The following DLEC1 variants were observed in gnomAD, a reference collection of about 807,000 sequenced individuals.
The protein encoded by DLEC1 is deleted in lung and esophageal cancer protein 1.
DLEC1 carries 146 observed loss-of-function variants against 198.1 expected under a neutral mutation model. That is an observed-to-expected ratio of 0.74 (90% CI 0.64 to 0.85). DLEC1 has a LOEUF of 0.85. Ranked by LOEUF, DLEC1 falls within the 40% of genes least tolerant of loss-of-function variation. The pLI, the probability that DLEC1 is intolerant of heterozygous loss-of-function variation, is 0.00. For missense variants in DLEC1, 2,233 were observed against 2,220.0 expected, an observed-to-expected ratio of 1.01 and a Z score of -0.12; for synonymous variants, 897 against 866.8, an observed-to-expected ratio of 1.03 and a Z score of -0.61.
chr3:38,108,786 C>T lies in DLEC1; in HGVS notation c.3129+271C>T, dbSNP rs73827603. Among the ~76,000 whole-genome samples, 863 of 152,346 alleles carry T rather than the reference C, an allele frequency of 5.7e-3. 6 individuals are homozygous for T. Among genetic ancestry groups the T allele is most frequent in the African/African-American group, 0.02 (823 of 41,568 alleles). The stretch of plus-strand genomic sequence containing the variant: ...GCATGAGTTTTTGCCCTCCCCAGGC[C>T]ATTCTCTGTGGCCGCAGGTGGGCCC... On this transcript the variant is annotated intron_variant, in intron 21 of 36. Transcript: ENST00000308059.
rs1168394357 is a variant in DLEC1 at position 38,084,565 on chromosome 3, TAGTAGTAGTAGTGG to T, written c.1261+321_1261+334del. On this transcript the variant is annotated intron_variant, in intron 7 of 36. Coordinates refer to ENST00000308059, the MANE Select transcript of DLEC1 (RefSeq NM_007335.4). ...GTAGTAGTAGTGGTAGTAGTAGTGG[TAGTAGTAGTAGTGG>T]GGGGGTGGTAGTAGTAGTAGTAGCA... 1.0e-4 allele frequency among the ~76,000 whole-genome samples: 10 copies of T among 98,774 alleles called. 4 individuals are homozygous for T. Among genetic ancestry groups the T allele is most frequent in the Non-Finnish European group, 1.5e-4 (7 of 45,306 alleles). The allele number at this position is 98,774 out of a possible 152,430, so 64.8% of individuals were successfully genotyped here. A position where few individuals can be genotyped will look rare whatever the true frequency, so the allele number is the denominator to read the frequency against.
Position 38,123,401 on chromosome 3 carries a change from G to T in DLEC1, c.*989G>T. The T allele has an allele frequency of 5.2e-6, 2 of 388,254 alleles. No homozygotes were observed. The highest frequency in any genetic ancestry group is 9.4e-6 in the Non-Finnish European group (2 of 213,876). 24.1% of individuals were successfully genotyped at this position (388,254 alleles called of 1,614,324 possible). On this transcript the variant is annotated 3_prime_UTR_variant, in exon 37 of 37. Coordinates refer to ENST00000308059, the MANE Select transcript of DLEC1 (RefSeq NM_007335.4). ...CTGTGTGCATGTTCCCCTCCCCAGGGATCGATCATAATCCCAAAAGACACA... is the reference window on the plus strand; with the variant it reads ...CTGTGTGCATGTTCCCCTCCCCAGGTATCGATCATAATCCCAAAAGACACA...
intron 6 of DLEC1, among the ~76,000 whole-genome samples, chr3:38,064,747 C>T (rs1219107341): frequency 7.9e-5 from 12 of 151,462 alleles, no homozygotes; most frequent in South Asian, 2.1e-4. Flanking sequence ...GACGGGGCGG[C>T]GGGGCAGAGG....
chr3:38,059,908 G>A, intron 3 of DLEC1, 56 bp downstream of exon 3: 1 of 1,413,928 alleles, frequency 7.1e-7, no homozygotes, highest in South Asian at 1.2e-5. Flanking sequence ...GTTCAGTAGG[G>A]CCACGTTGGC....
At chr3:38,068,945 G>T (rs1472678434) in intron 6 of DLEC1, among the ~76,000 whole-genome samples, 2 of 152,164 alleles carry the variant, frequency 1.3e-5, no homozygotes, top group African/African-American at 4.8e-5. Context: ...TGGAAACATG[G>T]GGGATAGGAA....
chr3:38,084,621 T>TGGTGGTGGTAGTGGTGGTGGTAGTA (rs1553617798), intron 7 of DLEC1, among the ~76,000 whole-genome samples: 5 of 126,496 alleles, frequency 4.0e-5, no homozygotes, highest in African/African-American at 8.9e-5. Context: ...GTAGCAGTAC[T>TGGTGGTGGTAGTGGTGGTGGTAGTA]GCTACTACTT....
rs1559406534 is a variant in DLEC1 at position 38,062,445 on chromosome 3, G to A, written c.873+77G>A. Reference sequence around the variant, plus strand: ...GAAGGGGAAGGCATTCAGATGACATGAGAAGCTGTGATGAATCCATCGCAA... The same window carrying A: ...GAAGGGGAAGGCATTCAGATGACATAAGAAGCTGTGATGAATCCATCGCAA... On this transcript the variant is annotated intron_variant, in intron 4 of 36. Coordinates refer to ENST00000308059, the MANE Select transcript of DLEC1 (RefSeq NM_007335.4). 90 of 1,592,816 alleles carry A rather than the reference G, an allele frequency of 5.7e-5. 2 individuals are homozygous for A. The South Asian group carries it at 9.7e-4, about 17-fold the overall frequency.
At chr3:38,060,247 A>C (rs886846754) in intron 3 of DLEC1, among the ~76,000 whole-genome samples, 1 of 152,328 alleles carries the variant, frequency 6.6e-6, no homozygotes, top group East Asian at 1.9e-4. Flanking sequence ...GCAGCTTCTC[A>C]TCCTTTCAGA....
rs1182121846 is a variant in DLEC1 at position 38,081,873 on chromosome 3, C to T, written c.1174-2285C>T. Among the ~76,000 whole-genome samples, 47 of 145,520 alleles carry T rather than the reference C, an allele frequency of 3.2e-4. No homozygotes were observed. In the South Asian group the frequency reaches 8.2e-3, roughly 25 times the overall value. ...CCCCCCACCTCCCTCCCGGATGGGG[C>T]GGCTGGCCGGGCGGGGGGCTGACCC... On this transcript the variant is annotated intron_variant, in intron 6 of 36. Transcript: ENST00000308059.
In DLEC1 at chr3:38,117,211, G is replaced by C; in HGVS notation, c.4309G>C (p.Glu1437Gln). The C allele has an allele frequency of 6.2e-7, 1 of 1,614,182 alleles. No homozygotes were observed. The highest frequency in any genetic ancestry group is 8.5e-7 in the Non-Finnish European group (1 of 1,180,002). Residue 1437 changes from glutamate to glutamine, a missense_variant, in exon 31 of 37, where the codon GAA becomes CAA. By Grantham distance (29) the Glu-to-Gln change is conservative. Transcript: ENST00000308059. Reference protein sequence around the residue: ...LGFMSLDSKVEREIPGKRHRL... With the variant: ...LGFMSLDSKVQREIPGKRHRL... The stretch of plus-strand genomic sequence containing the variant: ...TGATCAGACTTGGGCTCAGTAGGTG[G>C]AAAGGGAGATTCCAGGGAAGAGGCA...
chr3:38,109,472 G>A lies in DLEC1; in HGVS notation c.3170G>A (p.Gly1057Asp). The change falls in exon 22 of 37, where the codon GGC becomes GAC. Residue 1057 changes from glycine to aspartate, a missense_variant. Transcript: ENST00000308059. ...THLALPCHVSGMKKPLVLGIS... is the reference protein window; with the variant it reads ...THLALPCHVSDMKKPLVLGIS... ...CTGGCCCTCCCTTGTCACGTGTCAG[G>A]CATGAAGAAGCCACTGGTTCTAGGC... 2 of 1,614,218 alleles carry A rather than the reference G, an allele frequency of 1.2e-6. No individual in the cohort carries two copies. The highest frequency in any genetic ancestry group is 1.7e-6 in the Non-Finnish European group (2 of 1,180,018).
At position 38,122,595 on chromosome 3, in the gene DLEC1, A is replaced by C; in HGVS notation, c.*183A>C. ...CTAGGCCCTCATGATATGTCCTCAG[A>C]GCTAACATAAAGGACAGGCCACACC... On this transcript the variant is annotated 3_prime_UTR_variant, in exon 37 of 37. Coordinates refer to ENST00000308059, the MANE Select transcript of DLEC1 (RefSeq NM_007335.4). The C allele has an allele frequency of 1.3e-6, 2 of 1,582,820 alleles. No individual in the cohort carries two copies. The highest frequency in any genetic ancestry group is 1.7e-4 in the Middle Eastern group (1 of 5,912).
chr3:38,110,655 T>C (rs1390992141), intron 23 of DLEC1, among the ~76,000 whole-genome samples: 1 of 152,088 alleles, frequency 6.6e-6, no homozygotes, highest in Non-Finnish European at 1.5e-5. Flanking sequence ...GGACCACTGA[T>C]AGCGTGCCTG....
intron 6 of DLEC1, among the ~76,000 whole-genome samples, chr3:38,067,540 C>T (rs1697089353): frequency 6.6e-6 from 1 of 152,184 alleles, no homozygotes; most frequent in Admixed American, 6.5e-5. Flanking sequence ...ACTTGTTCCA[C>T]AATGTCTGAG....
rs780991372 is a variant in DLEC1, at chr3:38,095,107, T to C, written c.2112+36T>C. 3.1e-6 allele frequency: 5 copies of C among 1,608,612 alleles called. No individual in the cohort carries two copies. In the South Asian group the frequency reaches 4.4e-5, roughly 14 times the overall value. ...TGTCATCTCAGTAGCCACACATGGT[T>C]GGATCATGTATTTAGACCCCCCACC... On this transcript the variant is annotated intron_variant, in intron 13 of 36. Coordinates refer to ENST00000308059, the MANE Select transcript of DLEC1 (RefSeq NM_007335.4).
At chr3:38,117,476 C>G (rs772474204) in intron 31 of DLEC1, 51 bp from the exon 32 acceptor site, 1 of 1,612,520 alleles carries the variant, frequency 6.2e-7, no homozygotes, top group Non-Finnish European at 8.5e-7. Flanking sequence ...TGGGGGCAGC[C>G]AGAAGGCCCC....
In DLEC1 at chr3:38,097,126, A is replaced by G. The variant is rs779891227; in HGVS notation, c.2341-56A>G. 7.7e-6 allele frequency: 11 copies of G among 1,431,684 alleles called. No individual in the cohort carries two copies. In the Admixed American group the frequency reaches 9.9e-5, roughly 13 times the overall value. 88.7% of individuals were successfully genotyped at this position (1,431,684 alleles called of 1,614,324 possible). The stretch of plus-strand genomic sequence containing the variant: ...ACAATCCTACAGTCCTTCAGCAGGT[A>G]CAGAATTGACATGAAGGGGCAGTAA... On this transcript the variant is annotated intron_variant, in intron 15 of 36. Coordinates refer to ENST00000308059, the MANE Select transcript of DLEC1 (RefSeq NM_007335.4).
At chr3:38,044,187 A>G (rs1700780259) in intron 1 of DLEC1, among the ~76,000 whole-genome samples, 1 of 152,068 alleles carries the variant, frequency 6.6e-6, no homozygotes, top group East Asian at 1.9e-4. Context: ...AGCAGGCAGG[A>G]GTGAGCTGTG....
rs543459796 is a variant in DLEC1 at position 38,042,110 on chromosome 3, A to G, written c.411+2474A>G. On this transcript the variant is annotated intron_variant, in intron 1 of 36. Transcript: ENST00000308059. ...TGGGTTCAAGCGATTCTCCTGCCTC[A>G]GCCTCCTGAGTAGCTGGGATTACAG... Among the ~76,000 whole-genome samples, 36 of 152,070 alleles carry G rather than the reference A, an allele frequency of 2.4e-4. No individual in the cohort carries two copies. The South Asian group carries it at 7.1e-3, about 30-fold the overall frequency.
Sources: gnomAD v4.1 joint callset for allele counts (sites outside exome capture counted in the v4.1 genomes callset) on GRCh38, gnomAD v4.1.1 for gene constraint, MANE v1.5 for transcripts, NCBI Gene and HGNC (gene_info 2026-07-23, HGNC 2026-07-21) for gene names.